Variants in CRADD observed in about 807,000 individuals in gnomAD.
CRADD encodes CARD and death domain containing adaptor protein, also known as death domain-containing protein CRADD.
CRADD carries 9 observed loss-of-function variants against 15.5 expected under a neutral mutation model. The observed-to-expected ratio is 0.58, with a 90% CI of 0.35 to 1.01. The LOEUF (loss-of-function observed/expected upper bound fraction) is 1.01, where lower values mean the gene tolerates loss of function less well. CRADD is among the 50% of genes least tolerant of loss of function. The pLI, the probability that CRADD is intolerant of heterozygous loss-of-function variation, is 0.02. For synonymous variants in CRADD, 118 were observed against 107.6 expected, an observed-to-expected ratio of 1.10 and a Z score of -0.60; for missense variants, 227 against 250.3, an observed-to-expected ratio of 0.91 and a Z score of 0.63.
At chr12:93,812,189 A>G (rs974108392) in intron 2 of CRADD, among the ~76,000 whole-genome samples, 12 of 152,170 alleles carry the variant, frequency 7.9e-5, no homozygotes, top group African/African-American at 2.7e-4. Flanking sequence ...TATCTAGAAT[A>G]CTATATTACT....
intron 2 of CRADD, among the ~76,000 whole-genome samples, chr12:93,788,508 C>G (rs1220025968): frequency 6.6e-6 from 1 of 152,158 alleles, no homozygotes; most frequent in Non-Finnish European, 1.5e-5. Context: ...CTCAGAGCAC[C>G]TCCTTAGCAA....
chr12:93,719,586 A>C (rs909103807), intron 2 of CRADD, among the ~76,000 whole-genome samples: 1 of 152,174 alleles, frequency 6.6e-6, no homozygotes, highest in African/African-American at 2.4e-5. Context: ...GGTACTTTCT[A>C]TTTTAAAGGT....
At chr12:93,837,316 CTG>C (rs1244497239) in intron 2 of CRADD, 19 of 152,148 alleles carry the variant, frequency 1.2e-4, no homozygotes, top group Admixed American at 4.6e-4. Flanking sequence ...GTCGCGCAGA[CTG>C]GAGTGCAGTG....
At chr12:93,804,674 G>C (rs919356508) in intron 2 of CRADD, among the ~76,000 whole-genome samples, 1 of 152,064 alleles carries the variant, frequency 6.6e-6, no homozygotes, top group African/African-American at 2.4e-5. Flanking sequence ...TTGAAATGTG[G>C]CTGTTTCATC....
chr12:93,842,790 C>T (rs768866762), intron 2 of CRADD, among the ~76,000 whole-genome samples: 7 of 90,586 alleles, frequency 7.7e-5, no homozygotes, highest in Admixed American at 5.2e-4. Context: ...GATGGAGGGG[C>T]GAGAGAATAA....
chr12:93,685,776 G>A (rs1955414564), intron 2 of CRADD, among the ~76,000 whole-genome samples: 1 of 152,194 alleles, frequency 6.6e-6, no homozygotes, highest in South Asian at 2.1e-4. Flanking sequence ...CAGATCACCT[G>A]AGGTCAGGAG....
rs1957803796 is a variant in CRADD at position 93,824,549 on chromosome 12, T to A, written c.299-25421T>A. Among the ~76,000 whole-genome samples, 1 of 152,126 alleles carries A rather than the reference T, an allele frequency of 6.6e-6. No individual in the cohort carries two copies. Among genetic ancestry groups the A allele is most frequent in the South Asian group, 2.1e-4 (1 of 4,830 alleles). On this transcript the variant is annotated intron_variant, in intron 2 of 2. Coordinates refer to ENST00000332896, the MANE Select transcript of CRADD (RefSeq NM_003805.5). This position sits in a 1 kb window ranked among gnomAD's most constrained non-coding sequence, Gnocchi z 4.3. ...GCTGCTGGAAAAGAAGTCAAAAAAT[T>A]GCTTTGAAGAGTATATTTACTAGAG...
chr12:93,689,444 C>T (rs1592886213), intron 2 of CRADD, among the ~76,000 whole-genome samples: 1 of 151,798 alleles, frequency 6.6e-6, no homozygotes, highest in Non-Finnish European at 1.5e-5. Context: ...GGGCATTTCC[C>T]CCAGACTAAA....
intron 2 of CRADD, among the ~76,000 whole-genome samples, chr12:93,730,671 G>A (rs185436746): frequency 1.3e-5 from 2 of 151,514 alleles, no homozygotes; most frequent in Admixed American, 1.3e-4. Context: ...TGAGAGAATT[G>A]AAGATGTAGA....
chr12:93,885,063 A>G (rs1390204823), intron 2 of CRADD, among the ~76,000 whole-genome samples: 1 of 152,162 alleles, frequency 6.6e-6, no homozygotes, highest in Admixed American at 6.5e-5. Flanking sequence ...AAGGACTGAC[A>G]AGTCCTTTTT....
chr12:93,821,836 G>A (rs1957772628), intron 2 of CRADD, among the ~76,000 whole-genome samples: 1 of 152,138 alleles, frequency 6.6e-6, no homozygotes, highest in African/African-American at 2.4e-5. Context: ...GTAGACAGCA[G>A]GCCAGGTGTG....
At chr12:93,788,520 T>G (rs1022957674) in intron 2 of CRADD, among the ~76,000 whole-genome samples, 4 of 152,164 alleles carry the variant, frequency 2.6e-5, no homozygotes, top group African/African-American at 9.7e-5. Flanking sequence ...CCTTAGCAAA[T>G]GTACCACTGG....
intron 2 of CRADD, among the ~76,000 whole-genome samples, chr12:93,764,209 G>A (rs561500540): frequency 5.8e-4 from 75 of 129,838 alleles, no homozygotes; most frequent in African/African-American, 1.9e-3. Flanking sequence ...GCTTAAGAAC[G>A]ATCACTCTGG....
Position 93,677,443 on chromosome 12 carries a change from C to T in CRADD, c.-36C>T, listed in dbSNP as rs1047218828. The T allele has an allele frequency of 1.5e-4, 23 of 152,260 alleles. No individual in the cohort carries two copies. The highest frequency in any genetic ancestry group is 2.9e-5 in the Non-Finnish European group (2 of 68,064). The allele number at this position is 152,260 out of a possible 1,614,324, so 9.4% of individuals were successfully genotyped here. On this transcript the variant is annotated 5_prime_UTR_variant, in exon 1 of 3. Coordinates refer to ENST00000332896, the MANE Select transcript of CRADD (RefSeq NM_003805.5). ...TCAGGATTCCGGTTGCAGTTTTTCT[C>T]CCCCGCCCCAAAGATACGTGGTTGC...
chr12:93,764,180 C>CCT (rs1428447092), intron 2 of CRADD, among the ~76,000 whole-genome samples: 8 of 128,372 alleles, frequency 6.2e-5, no homozygotes, highest in African/African-American at 2.3e-4. Context: ...ACATGATCAA[C>CCT]TTTTTTTTTT....
At chr12:93,692,352 A>G (rs963580908) in intron 2 of CRADD, among the ~76,000 whole-genome samples, 3 of 152,214 alleles carry the variant, frequency 2.0e-5, no homozygotes, top group African/African-American at 2.4e-5. Flanking sequence ...GGGGAAAGAT[A>G]TAATATCCAG....
chr12:93,768,437 A>G (rs1957048098), intron 2 of CRADD, among the ~76,000 whole-genome samples: 1 of 152,084 alleles, frequency 6.6e-6, no homozygotes, highest in Admixed American at 6.5e-5. Flanking sequence ...TAGCCAGCAA[A>G]TACTCAAGTC....
intron 2 of CRADD, among the ~76,000 whole-genome samples, chr12:93,784,720 A>G (rs1957256791): frequency 6.6e-6 from 1 of 152,166 alleles, no homozygotes; most frequent in African/African-American, 2.4e-5. Context: ...ACAGAGTCCC[A>G]GAGTGATTTA....
chr12:93,711,055 C>CCCCCCCTTTTTTTTTTTTT, intron 2 of CRADD, among the ~76,000 whole-genome samples: 1 of 43,508 alleles, frequency 2.3e-5, no homozygotes, highest in Admixed American at 2.6e-4. Flanking sequence ...CCACCCCCGC[C>CCCCCCCTTTTTTTTTTTTT]TTTTTTTTTT....
Sources: allele counts gnomAD v4.1 joint callset (sites outside exome capture counted in the v4.1 genomes callset), GRCh38; gene constraint gnomAD v4.1.1; non-coding constraint Gnocchi (gnomAD v3.1); transcripts MANE v1.5; gene names NCBI Gene and HGNC (gene_info 2026-07-23, HGNC 2026-07-21).